The following HDAC4 variants were observed in gnomAD, a reference collection of about 807,000 sequenced individuals.
The protein encoded by HDAC4 is histone deacetylase A.
HDAC4 carries 16 observed loss-of-function variants against 135.1 expected under a neutral mutation model. That is an observed-to-expected ratio of 0.12 (90% CI 0.08 to 0.18). The LOEUF (loss-of-function observed/expected upper bound fraction) is 0.18. Ranked by LOEUF, HDAC4 falls within the 10% of genes least tolerant of loss-of-function variation. The pLI is 1.00. For missense variants in HDAC4, 1,143 were observed against 1,511.8 expected (o/e 0.76, Z 4.05); for synonymous variants, 685 against 653.4 (o/e 1.05, Z -0.74).
At chr2:239,233,994 T>C (rs1271210620) in intron 3 of HDAC4, among the ~76,000 whole-genome samples, 1 of 152,248 alleles carries the variant, frequency 6.6e-6, no homozygotes, top group Non-Finnish European at 1.5e-5. Flanking sequence ...TATACTCCCA[T>C]ACCATAAAAA....
intron 3 of HDAC4, among the ~76,000 whole-genome samples, chr2:239,231,886 A>G (rs13004047): frequency 8.0e-6 from 1 of 125,452 alleles, no homozygotes; most frequent in Non-Finnish European, 1.6e-5. Flanking sequence ...GTTGCTGAGC[A>G]CCTGCTCCCG....
intron 1 of HDAC4, among the ~76,000 whole-genome samples, 155 bp from the exon 2 acceptor site, chr2:239,353,073 G>A (rs1341452574): frequency 6.6e-6 from 1 of 152,154 alleles, no homozygotes; most frequent in Non-Finnish European, 1.5e-5. Flanking sequence ...GCACGATCTG[G>A]GCTCACTGCA....
chr2:239,229,972 G>C (rs1160026420), intron 3 of HDAC4, among the ~76,000 whole-genome samples: 1 of 152,198 alleles, frequency 6.6e-6, no homozygotes, highest in Non-Finnish European at 1.5e-5. Context: ...CTCAAAATAG[G>C]TGGAAGGAAT....
At chr2:239,144,155 C>T (rs971531612) in intron 8 of HDAC4, among the ~76,000 whole-genome samples, 1 of 152,142 alleles carries the variant, frequency 6.6e-6, no homozygotes. Flanking sequence ...GGTGCTCTGG[C>T]GTGGGAAGAC....
intron 2 of HDAC4, among the ~76,000 whole-genome samples, chr2:239,319,887 G>C (rs902914508): frequency 6.6e-6 from 1 of 152,182 alleles, no homozygotes. Flanking sequence ...GTGCATGTAT[G>C]ATAAAACTTT....
chr2:239,257,362 C>A (rs575680543), intron 2 of HDAC4, among the ~76,000 whole-genome samples: 107 of 151,776 alleles, frequency 7.0e-4, no homozygotes, highest in African/African-American at 2.4e-3. Flanking sequence ...TAAAAAAAAA[C>A]AGTGAAGAAT....
At chr2:239,053,191 A>T (rs919293674) in intron 26 of HDAC4, 55 bp from the exon 27 acceptor site, 1 of 1,603,890 alleles carries the variant, frequency 6.2e-7, no homozygotes, top group Non-Finnish European at 8.5e-7. Flanking sequence ...CACCACAGAG[A>T]GGAGAGAACA....
At chr2:239,111,290 A>T (rs1031684867) in intron 14 of HDAC4, among the ~76,000 whole-genome samples, 1 of 152,208 alleles carries the variant, frequency 6.6e-6, no homozygotes, top group African/African-American at 2.4e-5. Context: ...CTGGGACAGG[A>T]AAGTGGGCAA....
intron 2 of HDAC4, among the ~76,000 whole-genome samples, chr2:239,244,574 C>T (rs2048366438): frequency 6.6e-6 from 1 of 152,190 alleles, no homozygotes; most frequent in Non-Finnish European, 1.5e-5. Flanking sequence ...CTCTGATGCC[C>T]TTGTTCAATT....
chr2:239,331,327 T>A lies in HDAC4; in HGVS notation c.22+21351A>T. On this transcript the variant is annotated intron_variant, in intron 2 of 26. Transcript: ENST00000543185. The surrounding 1 kb of genome is among the most constrained non-coding windows in gnomAD (Gnocchi z 4.5). The stretch of plus-strand genomic sequence containing the variant: ...GGGAGGGAAGACAAGCAGGAAGGGG[T>A]GGGGTGGCCCTGCCCACTGCATTTC... Among the ~76,000 whole-genome samples the A allele has an allele frequency of 6.7e-6, 1 of 148,820 alleles. No individual in the cohort carries two copies. Among genetic ancestry groups the A allele is most frequent in the African/African-American group, 2.5e-5 (1 of 40,042 alleles).
intron 2 of HDAC4, among the ~76,000 whole-genome samples, chr2:239,270,403 A>G (rs2049994766): frequency 1.3e-5 from 2 of 152,228 alleles, no homozygotes; most frequent in Non-Finnish European, 2.9e-5. Flanking sequence ...GGCAACATGC[A>G]GAAAAACAGG....
intron 2 of HDAC4, among the ~76,000 whole-genome samples, chr2:239,250,950 G>A (rs2048751870): frequency 6.6e-6 from 1 of 152,124 alleles, no homozygotes; most frequent in Non-Finnish European, 1.5e-5. Context: ...ACGTGCCCCC[G>A]CCACACGCCT....
chr2:239,185,530 G>T (rs1045993281), intron 4 of HDAC4, among the ~76,000 whole-genome samples: 1 of 151,982 alleles, frequency 6.6e-6, no homozygotes, highest in African/African-American at 2.4e-5. Flanking sequence ...TGTGGGGGGT[G>T]CCCTGTGCCT....
At chr2:239,069,434 C>T (rs1169849766) in intron 22 of HDAC4, among the ~76,000 whole-genome samples, 1 of 106,858 alleles carries the variant, frequency 9.4e-6, no homozygotes, top group Non-Finnish European at 2.0e-5. Context: ...GCAAGCCCCA[C>T]GACACTTGCT....
intron 7 of HDAC4, chr2:239,155,514 G>T (rs1172168758): frequency 6.6e-6 from 1 of 152,092 alleles, no homozygotes; most frequent in Non-Finnish European, 1.5e-5. Context: ...TACAGCCCAC[G>T]GCTCCAGGGA....
intron 2 of HDAC4, among the ~76,000 whole-genome samples, chr2:239,238,435 C>A (rs180893054): frequency 2.1e-3 from 324 of 151,982 alleles, no homozygotes; most frequent in Non-Finnish European, 3.6e-3. Context: ...GAGGAGGGGG[C>A]TTGGGGGGAC....
At chr2:239,067,575 C>T (rs909629843) in intron 23 of HDAC4, among the ~76,000 whole-genome samples, 5 of 152,218 alleles carry the variant, frequency 3.3e-5, no homozygotes, top group East Asian at 1.9e-4. Flanking sequence ...GTGGTGGCCG[C>T]GGTGCTCCGG....
intron 2 of HDAC4, among the ~76,000 whole-genome samples, chr2:239,333,468 A>T (rs1334033025): frequency 1.3e-5 from 2 of 152,174 alleles, no homozygotes; most frequent in Non-Finnish European, 2.9e-5. Flanking sequence ...AAGAAAAAAT[A>T]ACACGTCAAT....
intron 2 of HDAC4, among the ~76,000 whole-genome samples, chr2:239,288,058 C>T (rs1224689078): frequency 1.4e-5 from 2 of 139,484 alleles, no homozygotes; most frequent in Non-Finnish European, 3.1e-5. Flanking sequence ...TAAACTATCC[C>T]TGTAAGTTAA....
Sources: gnomAD v4.1 joint callset for allele counts (sites outside exome capture counted in the v4.1 genomes callset) on GRCh38, gnomAD v4.1.1 for gene constraint, Gnocchi (gnomAD v3.1) non-coding constraint, MANE v1.5 for transcripts, NCBI Gene and HGNC (gene_info 2026-07-23, HGNC 2026-07-21) for gene names.